CUL7: variants seen among roughly 807,000 people sequenced by gnomAD.
CUL7 encodes cullin 7, also known as cullin-7.
CUL7 carries 96 observed loss-of-function variants against 177.7 expected under a neutral mutation model. That is an observed-to-expected ratio of 0.54 (90% CI 0.46 to 0.64). The LOEUF is 0.64. Ranked by LOEUF, CUL7 falls within the 30% of genes least tolerant of loss-of-function variation. The probability of loss-of-function intolerance (pLI) is 0.00; values close to 1 mark genes in which losing one functional copy is unlikely to be tolerated. For missense variants in CUL7, 1,893 were observed against 2,187.9 expected (o/e 0.87, Z 2.69); for synonymous variants, 824 against 890.2 (o/e 0.93, Z 1.32).
rs770173163 is a variant in CUL7, at chr6:43,046,254, C to T, written c.2642G>A (p.Arg881His). ...AGSHYITLHMRRGILIRQLTL... is the reference protein window; with the variant it reads ...AGSHYITLHMHRGILIRQLTL... Reference sequence around the variant, plus strand: ...GAGTTACCTGATGAGGATGCCCCGGCGCATGTGCAGGGTGATGTAGTGGGA... The same window carrying T: ...GAGTTACCTGATGAGGATGCCCCGGTGCATGTGCAGGGTGATGTAGTGGGA... The change falls in exon 12 of 26, where the codon CGC becomes CAC. Residue 881 changes from arginine to histidine, a missense_variant. Around this residue, in one of 5 missense-constraint regions of CUL7, gnomAD observed 973 missense variants for 1,140.9 expected, o/e 0.85. Transcript: ENST00000265348. The T allele has an allele frequency of 1.9e-5, 30 of 1,614,100 alleles. No individual in the cohort carries two copies. Among genetic ancestry groups the T allele is most frequent in the South Asian group, 4.4e-5 (4 of 91,094 alleles).
In CUL7 at chr6:43,045,417, G is replaced by C; in HGVS notation, c.2863-15C>G. ...TCAATGCCACCCTGAAACACACACAGGACTATCTTCACTCGCTCCACACCT... is the reference window on the plus strand; with the variant it reads ...TCAATGCCACCCTGAAACACACACACGACTATCTTCACTCGCTCCACACCT... On this transcript the variant is annotated splice_polypyrimidine_tract_variant and intron_variant, in intron 14 of 25. Transcript: ENST00000265348. This position sits in a 1 kb window ranked among gnomAD's most constrained non-coding sequence, Gnocchi z 4.8. 1 of 1,614,098 alleles carries C rather than the reference G, an allele frequency of 6.2e-7. No homozygotes were observed. Among genetic ancestry groups the C allele is most frequent in the Non-Finnish European group, 8.5e-7 (1 of 1,180,020 alleles).
At position 43,040,527 on chromosome 6, in the gene CUL7, C is replaced by A; in HGVS notation, c.4023+3G>T. ...ATTTGCTTATCCCTTCCAAGGCACT[C>A]ACCTGTATTTTCTTCTCTGTATCCT... On this transcript the variant is annotated splice_donor_region_variant and intron_variant, in intron 21 of 25. Transcript: ENST00000265348. The surrounding 1 kb of genome is among the most constrained non-coding windows in gnomAD (Gnocchi z 4.2). 1 of 1,614,008 alleles carries A rather than the reference C, an allele frequency of 6.2e-7. No homozygotes were observed.
chr6:43,045,923 A>G lies in CUL7; in HGVS notation c.2766+63T>C. ...TTAGAAAAAAGTAGGATAGGGCCAG[A>G]TAGAAGCAGGAGGGCAGATCCTGTG... On this transcript the variant is annotated intron_variant, in intron 13 of 25. Transcript: ENST00000265348. The surrounding 1 kb of genome is among the most constrained non-coding windows in gnomAD (Gnocchi z 4.8). The G allele has an allele frequency of 7.3e-7, 1 of 1,372,710 alleles. No individual in the cohort carries two copies. The highest frequency in any genetic ancestry group is 1.2e-5 in the South Asian group (1 of 85,070). The allele number at this position is 1,372,710 out of a possible 1,614,324, so 85.0% of individuals were successfully genotyped here.
chr6:43,046,164 C>T (rs1036901690), intron 12 of CUL7, 72 bp downstream of exon 12: 2 of 1,612,432 alleles, frequency 1.2e-6, no homozygotes, highest in East Asian at 2.2e-5. Context: ...GGTGGTGCTT[C>T]CCCCAAAACA....
Position 43,046,584 on chromosome 6 carries a change from G to A in CUL7, c.2415C>T (p.Ile805=), listed in dbSNP as rs751681083. ...GTTGGTGGGTTCGTCTGTGGTCTTC[G>A]ATCTGGCCCAGCACCATCTGCAGCC... The part of the protein sequence containing the change: ...GGCIQMVLGQ[I]EDHRRTHQPI... The change falls in exon 11 of 26, where the codon ATC becomes ATT. Residue 805 remains isoleucine, a synonymous_variant. Transcript: ENST00000265348. 14 of 1,613,990 alleles carry A rather than the reference G, an allele frequency of 8.7e-6. 3 individuals carry two copies. The highest frequency in any genetic ancestry group is 1.6e-4 in the Middle Eastern group (1 of 6,084).
rs192641769 is a variant in CUL7, at chr6:43,053,034, T to C, written c.-8-238A>G. On this transcript the variant is annotated intron_variant, in intron 1 of 25. Coordinates refer to ENST00000265348, the MANE Select transcript of CUL7 (RefSeq NM_014780.5). The surrounding 1 kb of genome is among the most constrained non-coding windows in gnomAD (Gnocchi z 4.1). ...GCTAAAAGGAAGGTCCCCAAGACCC[T>C]GTGGCCTGGAGTGGGTTGATATGGA... Among the ~76,000 whole-genome samples the C allele has an allele frequency of 1.0e-3, 154 of 152,254 alleles. 1 individual carries two copies. Among genetic ancestry groups the C allele is most frequent in the African/African-American group, 3.5e-3 (145 of 41,532 alleles).
chr6:43,039,196 C>G (rs535028437), intron 22 of CUL7, among the ~76,000 whole-genome samples: 1 of 152,198 alleles, frequency 6.6e-6, no homozygotes, highest in South Asian at 2.1e-4. Context: ...GGGAGCTATC[C>G]TATGCCTAGC....
intron 19 of CUL7, among the ~76,000 whole-genome samples, chr6:43,042,140 C>CAGGA (rs949248957): frequency 6.7e-6 from 1 of 148,266 alleles, no homozygotes; most frequent in Non-Finnish European, 1.5e-5. Flanking sequence ...GGAAGGAAGG[C>CAGGA]AGGAAGGGAG....
chr6:43,045,029 T>C lies in CUL7; in HGVS notation c.3039-144A>G. The C allele has an allele frequency of 1.5e-6, 2 of 1,368,522 alleles. No homozygotes were observed. Among genetic ancestry groups the C allele is most frequent in the Middle Eastern group, 2.0e-4 (1 of 5,126 alleles). The allele number at this position is 1,368,522 out of a possible 1,614,324, so 84.8% of individuals were successfully genotyped here. ...TTCAGAACTGCTCTGTGCTAACTGG[T>C]ATATCCCATTCCCAGCCCACTGGAG... On this transcript the variant is annotated intron_variant, in intron 15 of 25. Coordinates refer to ENST00000265348, the MANE Select transcript of CUL7 (RefSeq NM_014780.5). This position sits in a 1 kb window ranked among gnomAD's most constrained non-coding sequence, Gnocchi z 4.8.
Position 43,040,225 on chromosome 6 carries a change from T to C in CUL7, c.4225A>G (p.Asn1409Asp), listed in dbSNP as rs1439064652. 1 of 1,614,048 alleles carries C rather than the reference T, an allele frequency of 6.2e-7. No individual in the cohort carries two copies. The highest frequency in any genetic ancestry group is 1.3e-5 in the African/African-American group (1 of 74,916). Reference sequence around the variant, plus strand: ...TAGGAGGGCAGGCAGGTTCTGGGGTTCAGTGTGTGGCAGATTGAGGCAACA... The same window carrying C: ...TAGGAGGGCAGGCAGGTTCTGGGGTCCAGTGTGTGGCAGATTGAGGCAACA... ...WPVASICHTLNPRTCLPSYLR... is the reference protein window; with the variant it reads ...WPVASICHTLDPRTCLPSYLR... Residue 1409 changes from asparagine to aspartate, a missense_variant, in exon 22 of 26, where the codon AAC (asparagine) becomes GAC (aspartate). Asn to Asp is a conservative substitution (Grantham distance 23). Around this residue, in one of 5 missense-constraint regions of CUL7, gnomAD observed 973 missense variants for 1,140.9 expected, o/e 0.85. Transcript: ENST00000265348. The surrounding 1 kb of genome is among the most constrained non-coding windows in gnomAD (Gnocchi z 4.2).
chr6:43,037,953 C>G lies in CUL7; in HGVS notation c.4832G>C (p.Gly1611Ala), dbSNP rs778457947. The part of the protein sequence containing the change: ...CPPRGLVSSL[G>A]KGSACSSTDV... Reference sequence around the variant, plus strand: ...AGTGCTGCTGCATGCAGACCCCTTACCAAGGCTGCTGACCAAACCCCTGGG... The same window carrying G: ...AGTGCTGCTGCATGCAGACCCCTTAGCAAGGCTGCTGACCAAACCCCTGGG... The change falls in exon 26 of 26, where the codon GGT becomes GCT. Residue 1611 changes from glycine (G) to alanine (A), a missense_variant. Coordinates refer to ENST00000265348, the MANE Select transcript of CUL7 (RefSeq NM_014780.5). 1 of 1,598,354 alleles carries G rather than the reference C, an allele frequency of 6.3e-7. No homozygotes were observed. Among genetic ancestry groups the G allele is most frequent in the East Asian group, 2.2e-5 (1 of 44,596 alleles).
chr6:43,038,380 C>A lies in CUL7; in HGVS notation c.4660G>T (p.Gly1554Cys). 1 of 1,614,174 alleles carries A rather than the reference C, an allele frequency of 6.2e-7. No homozygotes were observed. The change falls in exon 25 of 26, where the codon GGT (glycine) becomes TGT (cysteine). Residue 1554 changes from glycine (G) to cysteine (C), a missense_variant. Gly to Cys is a radical substitution (Grantham distance 159, BLOSUM62 -3). Coordinates refer to ENST00000265348, the MANE Select transcript of CUL7 (RefSeq NM_014780.5). ...IPPQTYLQAE[G>C]EDGQNLEKRR... ...TTCTCCAAGTTCTGGCCGTCTTCAC[C>A]CTCAGCTTGCAGGTACGTCTGAGGT...
In CUL7 at chr6:43,051,042, C is replaced by G. The variant is rs1360560710; in HGVS notation, c.1159G>C (p.Asp387His). The change falls in exon 4 of 26, where the codon GAT (aspartate) becomes CAT (histidine). Residue 387 changes from aspartate (D) to histidine (H), a missense_variant. Transcript: ENST00000265348. The surrounding 1 kb of genome is among the most constrained non-coding windows in gnomAD (Gnocchi z 5.0). ...CCGGCACTGATCTCCTCATAATCAT[C>G]CAGCATCCGCACTCGCATCCCCGGC... The part of the protein sequence containing the change: ...LQPGMRVRML[D>H]DYEEISAGDE... The G allele has an allele frequency of 6.2e-7, 1 of 1,614,162 alleles. No homozygotes were observed. The highest frequency in any genetic ancestry group is 1.7e-5 in the Admixed American group (1 of 60,022).
In CUL7 at chr6:43,052,943, T is replaced by G; in HGVS notation, c.-8-147A>C. ...GGCCCAGGAGTTGCATGCTGCACGC[T>G]GGGTGGGGGCAGGCCTAAGCAGAGA... On this transcript the variant is annotated intron_variant, in intron 1 of 25. Transcript: ENST00000265348. The surrounding 1 kb of genome is among the most constrained non-coding windows in gnomAD (Gnocchi z 4.5). The G allele has an allele frequency of 1.2e-6, 1 of 811,720 alleles. No individual in the cohort carries two copies. The highest frequency in any genetic ancestry group is 2.0e-6 in the Non-Finnish European group (1 of 494,162). The allele number at this position is 811,720 out of a possible 1,614,324, so 50.3% of individuals were successfully genotyped here. A position where few individuals can be genotyped will look rare whatever the true frequency, so the allele number is the denominator to read the frequency against.
rs1561898352 is a variant in CUL7, at chr6:43,052,582, C to CA, written c.206dup (p.Met69IlefsTer5). On this transcript the variant is annotated frameshift_variant, in exon 2 of 26. Transcript: ENST00000265348. LOFTEE classifies it high-confidence loss of function. This position sits in a 1 kb window ranked among gnomAD's most constrained non-coding sequence, Gnocchi z 4.5. The stretch of plus-strand genomic sequence containing the variant: ...AGTTGGCATAGATCTCATCCTTGGA[C>CA]ATCCACAGCAGGATGTGCTCAGCCT... 6.2e-7 allele frequency: 1 copy of CA among 1,614,268 alleles called. No homozygotes were observed. Among genetic ancestry groups the CA allele is most frequent in the Non-Finnish European group, 8.5e-7 (1 of 1,180,048 alleles).
intron 16 of CUL7, among the ~76,000 whole-genome samples, 171 bp downstream of exon 16, chr6:43,044,581 C>T (rs1763727945): frequency 6.6e-6 from 1 of 151,926 alleles, no homozygotes; most frequent in South Asian, 2.1e-4. Context: ...ACTTGAGAGA[C>T]ATGGGAAAGG....
At chr6:43,041,777 G>A (rs1430665407) in intron 19 of CUL7, among the ~76,000 whole-genome samples, 6 of 151,796 alleles carry the variant, frequency 4.0e-5, no homozygotes, top group East Asian at 3.9e-4. Context: ...AGGGTGAGGC[G>A]GGCGGATCAC....
chr6:43,042,345 C>CT (rs1423561645), intron 19 of CUL7, among the ~76,000 whole-genome samples: 1 of 151,258 alleles, frequency 6.6e-6, no homozygotes, highest in African/African-American at 2.4e-5. Flanking sequence ...TTGTTTTTTT[C>CT]TTTTTTTTGA....
Position 43,045,431 on chromosome 6 carries a change from C to T in CUL7, c.2863-29G>A, listed in dbSNP as rs779674496. On this transcript the variant is annotated intron_variant, in intron 14 of 25. Transcript: ENST00000265348. The surrounding 1 kb of genome is among the most constrained non-coding windows in gnomAD (Gnocchi z 4.8). ...AAACACACACAGGACTATCTTCACT[C>T]GCTCCACACCTTGGGATGGGCTGGG... 3.7e-6 allele frequency: 6 copies of T among 1,614,098 alleles called. No individual in the cohort carries two copies. The highest frequency in any genetic ancestry group is 1.6e-4 in the Middle Eastern group (1 of 6,062).
Sources: gnomAD v4.1 joint callset for allele counts (sites outside exome capture counted in the v4.1 genomes callset) on GRCh38, gnomAD v4.1.1 for gene constraint, gnomAD v4.1.1 regional missense constraint, Gnocchi (gnomAD v3.1) non-coding constraint, MANE v1.5 for transcripts, NCBI Gene and HGNC (gene_info 2026-07-23, HGNC 2026-07-21) for gene names.